The following RBFOX1 variants were observed in gnomAD, a reference collection of about 807,000 sequenced individuals.
The protein encoded by RBFOX1 is RNA binding protein fox-1 homolog 1.
Under a neutral mutation model 57.7 loss-of-function variants are expected in RBFOX1, and 8 were observed. That is an observed-to-expected ratio of 0.14 (90% CI 0.08 to 0.25). RBFOX1 has a LOEUF of 0.25. Ranked by LOEUF, RBFOX1 falls within the 10% of genes least tolerant of loss-of-function variation. RBFOX1 has a pLI of 1.00. For missense variants in RBFOX1, 611 were observed against 548.5 expected (o/e 1.11, Z -1.14); for synonymous variants, 326 against 222.4 (o/e 1.47, Z -4.15).
intron 4 of RBFOX1, among the ~76,000 whole-genome samples, chr16:5,991,743 C>G (rs62015771): frequency 0.11 from 16,064 of 151,016 alleles, 960 homozygotes; most frequent in South Asian, 0.16. Context: ...CTAAACAGAC[C>G]CGGGAAAATC....
chr16:5,604,428 T>C (rs370593867), downstream of RBFOX1, among the ~76,000 whole-genome samples: 41 of 152,302 alleles, frequency 2.7e-4, no homozygotes, highest in South Asian at 8.1e-3. Context: ...TTCTTGTGGC[T>C]GTAAGATGCA....
intron 4 of RBFOX1, among the ~76,000 whole-genome samples, chr16:7,227,288 C>CCT: frequency 2.0e-5 from 2 of 102,210 alleles, no homozygotes; most frequent in Admixed American, 1.1e-4. Flanking sequence ...ACACCCCACC[C>CCT]CACCCCCACA....
intron 4 of RBFOX1, among the ~76,000 whole-genome samples, chr16:7,407,296 T>G (rs969397303): frequency 3.3e-5 from 5 of 152,228 alleles, no homozygotes; most frequent in African/African-American, 1.2e-4. Flanking sequence ...ACAGGTAGTT[T>G]AGAGCTGCCA....
chr16:7,297,793 A>G (rs976055124), intron 4 of RBFOX1, among the ~76,000 whole-genome samples: 2 of 152,156 alleles, frequency 1.3e-5, no homozygotes. Flanking sequence ...TAAGCGACAT[A>G]AATCTGTACA....
At chr16:7,167,699 C>T (rs915434695) in intron 4 of RBFOX1, among the ~76,000 whole-genome samples, 5 of 152,196 alleles carry the variant, frequency 3.3e-5, no homozygotes, top group South Asian at 4.1e-4. Flanking sequence ...GCCTGAGAGC[C>T]AAATCCAGCC....
chr16:6,952,673 TG>T, intron 3 of RBFOX1, among the ~76,000 whole-genome samples: 1 of 151,352 alleles, frequency 6.6e-6, no homozygotes, highest in Middle Eastern at 3.5e-3. Flanking sequence ...GAAAAAGAAA[TG>T]AAAAAAAATT....
chr16:5,826,904 C>T (rs1247350326), intron 3 of RBFOX1, among the ~76,000 whole-genome samples: 1 of 152,100 alleles, frequency 6.6e-6, no homozygotes, highest in African/African-American at 2.4e-5. Flanking sequence ...AATCCTTGAC[C>T]AATAGTGTTG....
chr16:6,613,751 A>C (rs547526030), intron 2 of RBFOX1, among the ~76,000 whole-genome samples: 1 of 152,234 alleles, frequency 6.6e-6, no homozygotes, highest in Non-Finnish European at 1.5e-5. Flanking sequence ...GGCCTGGCCA[A>C]CATGGCGAAA....
chr16:6,494,976 A>G (rs1031709597), intron 2 of RBFOX1, among the ~76,000 whole-genome samples: 1 of 152,214 alleles, frequency 6.6e-6, no homozygotes, highest in Non-Finnish European at 1.5e-5. Flanking sequence ...TACTGTTCTT[A>G]CTTATGGAGG....
chr16:6,247,214 T>C (rs2097574215), intron 1 of RBFOX1, among the ~76,000 whole-genome samples: 1 of 152,216 alleles, frequency 6.6e-6, no homozygotes, highest in Non-Finnish European at 1.5e-5. Context: ...CGTCAGAGAC[T>C]CACTTTCTTC....
intron 1 of RBFOX1, among the ~76,000 whole-genome samples, chr16:6,192,859 A>G (rs965484207): frequency 2.6e-5 from 4 of 152,184 alleles, no homozygotes; most frequent in Non-Finnish European, 4.4e-5. Context: ...CTTTATTGAG[A>G]TCCATCTCAT....
chr16:5,960,683 G>A (rs958772523), intron 4 of RBFOX1, among the ~76,000 whole-genome samples: 2 of 152,104 alleles, frequency 1.3e-5, no homozygotes, highest in African/African-American at 4.8e-5. Context: ...TGGTTTCCCT[G>A]AAAGAGTTTT....
intron 1 of RBFOX1, among the ~76,000 whole-genome samples, chr16:6,175,942 G>A (rs2097003260): frequency 6.6e-6 from 1 of 152,126 alleles, no homozygotes; most frequent in Non-Finnish European, 1.5e-5. Flanking sequence ...GCTGCTGTTT[G>A]GACTCCACCC....
intron 3 of RBFOX1, among the ~76,000 whole-genome samples, chr16:6,993,395 GC>G (rs1376958685): frequency 6.6e-6 from 1 of 152,166 alleles, no homozygotes; most frequent in Non-Finnish European, 1.5e-5. Context: ...AAATTCATTT[GC>G]TTGGGTTCAG....
intron 1 of RBFOX1, among the ~76,000 whole-genome samples, chr16:5,245,053 A>G (rs2062262773): frequency 6.6e-6 from 1 of 152,146 alleles, no homozygotes; most frequent in South Asian, 2.1e-4. Context: ...TTTTAATTTC[A>G]TTAAGGTGGT....
At chr16:5,999,286 C>T (rs940058177) in intron 4 of RBFOX1, among the ~76,000 whole-genome samples, 1 of 152,170 alleles carries the variant, frequency 6.6e-6, no homozygotes, top group African/African-American at 2.4e-5. Context: ...TAGAATTCCC[C>T]CTCATGCTTC....
chr16:5,443,258 A>T (rs1321560016), intron 1 of RBFOX1, among the ~76,000 whole-genome samples: 1 of 152,158 alleles, frequency 6.6e-6, no homozygotes, highest in Non-Finnish European at 1.5e-5. Flanking sequence ...AGGGAGGCAT[A>T]TTCTAAGCTC....
intron 1 of RBFOX1, among the ~76,000 whole-genome samples, chr16:5,432,769 C>T (rs550352894): frequency 2.5e-4 from 38 of 151,938 alleles, no homozygotes; most frequent in Middle Eastern, 3.4e-3. Flanking sequence ...TAATGAGGCC[C>T]GTATTTTTCT....
chr16:5,434,803 C>A (rs74004304), intron 1 of RBFOX1, among the ~76,000 whole-genome samples: 12,943 of 152,142 alleles, frequency 0.085, 1,131 homozygotes, highest in African/African-American at 0.22. Flanking sequence ...TAACTAATAT[C>A]ATTTATTCTC....
Sources: gnomAD v4.1 joint callset for allele counts (sites outside exome capture counted in the v4.1 genomes callset) on GRCh38, gnomAD v4.1.1 for gene constraint, MANE v1.5 for transcripts, NCBI Gene and HGNC (gene_info 2026-07-23, HGNC 2026-07-21) for gene names.